HSD11B2: variants seen among roughly 807,000 people sequenced by gnomAD.
HSD11B2 encodes the protein 11-beta-hydroxysteroid dehydrogenase type 2.
A neutral mutation model predicts 20.9 loss-of-function variants in HSD11B2; 17 were observed. The observed-to-expected ratio is 0.81, with a 90% CI of 0.56 to 1.22. HSD11B2 has a LOEUF of 1.22. Among genes scored for constraint, HSD11B2 ranks in the 50% most tolerant of loss-of-function variants. The pLI is 0.00. For synonymous variants in HSD11B2, 253 were observed against 255.4 expected, an observed-to-expected ratio of 0.99 and a Z score of 0.09; for missense variants, 480 against 563.6, an observed-to-expected ratio of 0.85 and a Z score of 1.50.
At chr16:67,435,329 G>C (rs528597357) in intron 1 of HSD11B2, among the ~76,000 whole-genome samples, 6 of 152,266 alleles carry the variant, frequency 3.9e-5, no homozygotes, top group African/African-American at 1.4e-4. Flanking sequence ...GACCTGACCT[G>C]TGTGAATTTG....
rs1412922279 is a variant in HSD11B2 at position 67,431,422 on chromosome 16, C to T, written c.174C>T (p.Leu58=). The part of the protein sequence containing the change: ...CQRLLPPPAA[L]AVLAAAGWIA... ...GCCTGCTGCCCCCGCCGGCCGCACT[C>T]GCCGTGCTGGCCGCCGCCGGCTGGA... Residue 58 remains leucine (L), a synonymous_variant, in exon 1 of 5, where the codon CTC becomes CTT. Coordinates refer to ENST00000326152, the MANE Select transcript of HSD11B2 (RefSeq NM_000196.4). 6.1e-6 allele frequency: 8 copies of T among 1,304,940 alleles called. No individual in the cohort carries two copies. The highest frequency in any genetic ancestry group is 7.8e-6 in the Non-Finnish European group (8 of 1,029,572). The allele number at this position is 1,304,940 out of a possible 1,614,324, so 80.8% of individuals were successfully genotyped here.
rs1201806169 is a variant in HSD11B2, at chr16:67,436,666, C to G, written c.881C>G (p.Ala294Gly). 1 of 1,614,096 alleles carries G rather than the reference C, an allele frequency of 6.2e-7. No individual in the cohort carries two copies. Among genetic ancestry groups the G allele is most frequent in the Non-Finnish European group, 8.5e-7 (1 of 1,180,040 alleles). Reference sequence around the variant, plus strand: ...AACCTGCCTCAAGAGCTGCTGCAGGCCTACGGCAAGGACTACATCGAGCAC... The same window carrying G: ...AACCTGCCTCAAGAGCTGCTGCAGGGCTACGGCAAGGACTACATCGAGCAC... ...LANLPQELLQAYGKDYIEHLH... is the reference protein window; with the variant it reads ...LANLPQELLQGYGKDYIEHLH... Residue 294 changes from alanine (A) to glycine (G), a missense_variant, in exon 5 of 5, where the codon GCC becomes GGC. By Grantham distance (60) the Ala-to-Gly change is moderately conservative. This residue lies in a region of HSD11B2 where 374 missense variants were observed against 480.9 expected (regional missense o/e 0.78). Transcript: ENST00000326152. The surrounding 1 kb of genome is among the most constrained non-coding windows in gnomAD (Gnocchi z 5.7).
At chr16:67,435,221 A>G (rs1055708181) in intron 1 of HSD11B2, among the ~76,000 whole-genome samples, 6 of 151,268 alleles carry the variant, frequency 4.0e-5, no homozygotes, top group South Asian at 2.1e-4. Context: ...AAAAAAAAAA[A>G]AGAGAAAGGG....
At position 67,436,859 on chromosome 16, in the gene HSD11B2, G is replaced by C. The variant is rs762512842; in HGVS notation, c.1074G>C (p.Leu358=). The change falls in exon 5 of 5, where the codon CTG becomes CTC. Residue 358 remains leucine (L), a synonymous_variant. Coordinates refer to ENST00000326152, the MANE Select transcript of HSD11B2 (RefSeq NM_000196.4). This position sits in a 1 kb window ranked among gnomAD's most constrained non-coding sequence, Gnocchi z 5.7. ...TCCACTACTACCTGCCTGAAGGCCT[G>C]CGGCGCCGCTTCCTGCAGGCCTTCT... is the stretch of plus-strand genomic sequence containing the variant. ...YFIHYYLPEG[L]RRRFLQAFFI... The C allele has an allele frequency of 1.2e-6, 2 of 1,613,642 alleles. No homozygotes were observed. The highest frequency in any genetic ancestry group is 1.7e-6 in the Non-Finnish European group (2 of 1,180,024).
At position 67,437,163 on chromosome 16, in the gene HSD11B2, G is replaced by A. The variant is rs564971075; in HGVS notation, c.*160G>A. The A allele has an allele frequency of 8.1e-6, 6 of 744,784 alleles. No homozygotes were observed. The East Asian group carries it at 1.1e-4, about 13-fold the overall frequency. The allele number at this position is 744,784 out of a possible 1,614,324, so 46.1% of individuals were successfully genotyped here. A position where few individuals can be genotyped will look rare whatever the true frequency, so the allele number is the denominator to read the frequency against. On this transcript the variant is annotated 3_prime_UTR_variant, in exon 5 of 5. Transcript: ENST00000326152. ...TGCCCACTGCCGATGCCCAATCCAG[G>A]CCCGGTGAGGCCAAGGTTTCCCAGT...
chr16:67,435,906 G>A (rs769440392), intron 2 of HSD11B2, 51 bp from the exon 3 acceptor site: 3 of 1,613,892 alleles, frequency 1.9e-6, no homozygotes, highest in Non-Finnish European at 2.5e-6. Flanking sequence ...GGGACTGGAA[G>A]TTTGCTGCTG....
At chr16:67,432,177 G>C (rs2040938138) in intron 1 of HSD11B2, among the ~76,000 whole-genome samples, 1 of 152,074 alleles carries the variant, frequency 6.6e-6, no homozygotes, top group Non-Finnish European at 1.5e-5. Flanking sequence ...TAGAGAGCTG[G>C]GCTCAGGTGC....
chr16:67,431,422 C>A lies in HSD11B2; in HGVS notation c.174C>A (p.Leu58=). 7.7e-7 allele frequency: 1 copy of A among 1,305,046 alleles called. No individual in the cohort carries two copies. The highest frequency in any genetic ancestry group is 2.2e-5 in the South Asian group (1 of 46,176). The allele number at this position is 1,305,046 out of a possible 1,614,324, so 80.8% of individuals were successfully genotyped here. The change falls in exon 1 of 5, where the codon CTC becomes CTA. Residue 58 remains leucine, a synonymous_variant. Transcript: ENST00000326152. ...CQRLLPPPAA[L]AVLAAAGWIA... Reference sequence around the variant, plus strand: ...GCCTGCTGCCCCCGCCGGCCGCACTCGCCGTGCTGGCCGCCGCCGGCTGGA... The same window carrying A: ...GCCTGCTGCCCCCGCCGGCCGCACTAGCCGTGCTGGCCGCCGCCGGCTGGA...
In HSD11B2 at chr16:67,431,152, G is replaced by C. The variant is rs1597560163; in HGVS notation, c.-97G>C. 1.7e-6 allele frequency: 1 copy of C among 591,504 alleles called. No homozygotes were observed. Among genetic ancestry groups the C allele is most frequent in the African/African-American group, 2.0e-5 (1 of 48,878 alleles). The allele number at this position is 591,504 out of a possible 1,614,324, so 36.6% of individuals were successfully genotyped here. A position where few individuals can be genotyped will look rare whatever the true frequency, so the allele number is the denominator to read the frequency against. On this transcript the variant is annotated 5_prime_UTR_variant, in exon 1 of 5. Coordinates refer to ENST00000326152, the MANE Select transcript of HSD11B2 (RefSeq NM_000196.4). ...GAGTGTCCCTCTCGCGCCCCAGGCC[G>C]GTGTACCCCCGCACTCCGCGCCCCG...
At chr16:67,431,927 C>T (rs1211677872) in intron 1 of HSD11B2, among the ~76,000 whole-genome samples, 1 of 152,190 alleles carries the variant, frequency 6.6e-6, no homozygotes, top group Non-Finnish European at 1.5e-5. Context: ...ATACCCATCT[C>T]CCATTCCTCG....
At chr16:67,433,849 G>A (rs909059319) in intron 1 of HSD11B2, among the ~76,000 whole-genome samples, 3 of 149,786 alleles carry the variant, frequency 2.0e-5, no homozygotes, top group Non-Finnish European at 3.0e-5. Context: ...TGGGGAGACC[G>A]TACTGAGCGG....
intron 1 of HSD11B2, among the ~76,000 whole-genome samples, chr16:67,434,702 G>A (rs1311333910): frequency 6.6e-6 from 1 of 152,136 alleles, no homozygotes; most frequent in Non-Finnish European, 1.5e-5. Context: ...GGGCAACATA[G>A]TGAGACTCCC....
intron 1 of HSD11B2, among the ~76,000 whole-genome samples, chr16:67,433,395 C>G (rs1270916575): frequency 6.6e-6 from 1 of 152,108 alleles, no homozygotes; most frequent in African/African-American, 2.4e-5. Context: ...GCTGTGGGAT[C>G]AGGGTTTGGG....
At chr16:67,434,895 GATGCGCACCTGT>G (rs1330297849) in intron 1 of HSD11B2, among the ~76,000 whole-genome samples, 2 of 152,106 alleles carry the variant, frequency 1.3e-5, no homozygotes, top group Non-Finnish European at 2.9e-5. Context: ...GGCCTGTGGT[GATGCGCACCTGT>G]AGTCTCAGCT....
intron 1 of HSD11B2, among the ~76,000 whole-genome samples, chr16:67,434,905 T>C (rs1012554693): frequency 6.6e-6 from 1 of 151,876 alleles, no homozygotes; most frequent in Non-Finnish European, 1.5e-5. Flanking sequence ...GATGCGCACC[T>C]GTAGTCTCAG....
chr16:67,435,475 C>T, intron 1 of HSD11B2, 153 bp from the exon 2 acceptor site: 1 of 711,896 alleles, frequency 1.4e-6, no homozygotes, highest in Non-Finnish European at 2.6e-6. Context: ...CACAGCCTGC[C>T]AGGGATGGGC....
chr16:67,433,519 G>A (rs2040947449), intron 1 of HSD11B2, among the ~76,000 whole-genome samples: 1 of 152,062 alleles, frequency 6.6e-6, no homozygotes, highest in Admixed American at 6.5e-5. Context: ...ACAGGTATCT[G>A]AGGGTGTGCA....
chr16:67,437,093 C>T lies in HSD11B2; in HGVS notation c.*90C>T, dbSNP rs1043210306. ...CGAAAACCCCCAGCATTACGATCCC[C>T]CAAGTGTCCTGGACCCTGGCCTAAA... On this transcript the variant is annotated 3_prime_UTR_variant, in exon 5 of 5. Coordinates refer to ENST00000326152, the MANE Select transcript of HSD11B2 (RefSeq NM_000196.4). 40 of 1,352,068 alleles carry T rather than the reference C, an allele frequency of 3.0e-5. No individual in the cohort carries two copies. The highest frequency in any genetic ancestry group is 4.1e-5 in the Non-Finnish European group (40 of 982,902). 83.8% of individuals were successfully genotyped at this position (1,352,068 alleles called of 1,614,324 possible). A position where few individuals can be genotyped will look rare whatever the true frequency, so the allele number is the denominator to read the frequency against.
In HSD11B2 at chr16:67,436,590, T is replaced by A. The variant is rs1197315006; in HGVS notation, c.805T>A (p.Ser269Thr). 6.2e-7 allele frequency: 1 copy of A among 1,614,024 alleles called. No homozygotes were observed. The highest frequency in any genetic ancestry group is 1.7e-5 in the Admixed American group (1 of 60,016). The change falls in exon 5 of 5, where the codon TCA (serine) becomes ACA (threonine). Residue 269 changes from serine (S) to threonine (T), a missense_variant and splice_region_variant. Ser to Thr is a moderately conservative substitution (Grantham distance 58, BLOSUM62 1). Around this residue, in one of 2 missense-constraint regions of HSD11B2, gnomAD observed 374 missense variants for 480.9 expected, o/e 0.78. Transcript: ENST00000326152. This position sits in a 1 kb window ranked among gnomAD's most constrained non-coding sequence, Gnocchi z 5.7. ...IIQPGCFKTE[S>T]VRNVGQWEKR... is the part of the protein sequence containing the mutation. ...TGACCTTGCCACTCCTTCCCCAGAG[T>A]CAGTGAGAAACGTGGGTCAGTGGGA...
Sources: allele counts gnomAD v4.1 joint callset (sites outside exome capture counted in the v4.1 genomes callset), GRCh38; gene constraint gnomAD v4.1.1; regional missense constraint gnomAD v4.1.1; non-coding constraint Gnocchi (gnomAD v3.1); transcripts MANE v1.5; gene names NCBI Gene and HGNC (gene_info 2026-07-23, HGNC 2026-07-21).